The following TRIM71 variants were observed in gnomAD, a reference collection of about 807,000 sequenced individuals.
The protein encoded by TRIM71 is tripartite motif containing 71.
Under a neutral mutation model 61.2 loss-of-function variants are expected in TRIM71, and 9 were observed. That is an observed-to-expected ratio of 0.15 (90% confidence interval 0.09 to 0.26). TRIM71 has a LOEUF of 0.26. Ranked by LOEUF, TRIM71 falls within the 10% of genes least tolerant of loss-of-function variation. The pLI, the probability that TRIM71 is intolerant of heterozygous loss-of-function variation, is 1.00. For synonymous variants in TRIM71, 645 were observed against 553.2 expected (o/e 1.17, Z -2.33); for missense variants, 998 against 1,238.7 (o/e 0.81, Z 2.92).
chr3:32,826,939 T>C (rs535154008), intron 1 of TRIM71, among the ~76,000 whole-genome samples: 1 of 152,028 alleles, frequency 6.6e-6, no homozygotes, highest in East Asian at 1.9e-4. Flanking sequence ...ATTGTTTTTG[T>C]ATTTTTAGTA....
chr3:32,829,248 G>A (rs1170228342), intron 1 of TRIM71, among the ~76,000 whole-genome samples: 7 of 147,018 alleles, frequency 4.8e-5, no homozygotes, highest in Non-Finnish European at 7.4e-5. Flanking sequence ...GGAATGGCAC[G>A]ATCTTGGCTC....
chr3:32,818,535 A>G lies in TRIM71; in HGVS notation c.455A>G (p.His152Arg). The change falls in exon 1 of 4, where the codon CAC (histidine) becomes CGC (arginine). Residue 152 changes from histidine to arginine, a missense_variant. His to Arg is a conservative substitution (Grantham distance 29, BLOSUM62 0). Around this residue, in one of 5 missense-constraint regions of TRIM71, gnomAD observed 527 missense variants for 427.8 expected, o/e 1.23. Coordinates refer to ENST00000383763, the MANE Select transcript of TRIM71 (RefSeq NM_001039111.3). ...GGCGGCCACAGCAACCACCGGCACC[A>G]CGCTCACCACGCGCACCCGCGCGCG... is the stretch of plus-strand genomic sequence containing the variant. ...GAGGHSNHRH[H>R]AHHAHPRASA... is the part of the protein sequence containing the mutation. The G allele has an allele frequency of 7.5e-7, 1 of 1,338,988 alleles. No homozygotes were observed. The highest frequency in any genetic ancestry group is 9.5e-7 in the Non-Finnish European group (1 of 1,049,902). 82.9% of individuals were successfully genotyped at this position (1,338,988 alleles called of 1,614,324 possible). A position where few individuals can be genotyped will look rare whatever the true frequency, so the allele number is the denominator to read the frequency against.
chr3:32,882,882 A>T (rs1599770), intron 2 of TRIM71, among the ~76,000 whole-genome samples: 2 of 152,024 alleles, frequency 1.3e-5, no homozygotes, highest in Non-Finnish European at 2.9e-5. Context: ...TGACAGCAGA[A>T]GTTGGTTTCA....
Position 32,818,249 on chromosome 3 carries a change from C to T in TRIM71, c.169C>T (p.His57Tyr), listed in dbSNP as rs1443213679. Residue 57 changes from histidine (H) to tyrosine (Y), a missense_variant, in exon 1 of 4, where the codon CAC (histidine) becomes TAC (tyrosine). Transcript: ENST00000383763. ...GGPGAAARRL[H>Y]VLPCLHAFCR... ...CCCTGGGGCGGCGGCGCGCCGCCTA[C>T]ACGTCCTGCCCTGCCTGCACGCCTT... The T allele has an allele frequency of 2.0e-6, 3 of 1,483,520 alleles. No homozygotes were observed. The highest frequency in any genetic ancestry group is 1.3e-5 in the South Asian group (1 of 76,358). The allele number at this position is 1,483,520 out of a possible 1,614,324, so 91.9% of individuals were successfully genotyped here.
intron 2 of TRIM71, among the ~76,000 whole-genome samples, chr3:32,884,473 A>G (rs1459716092): frequency 6.6e-6 from 1 of 151,876 alleles, no homozygotes; most frequent in East Asian, 1.9e-4. Flanking sequence ...CTAGGTGGGC[A>G]GATCACTTGA....
Position 32,818,932 on chromosome 3 carries a change from G to C in TRIM71, c.852G>C (p.Glu284Asp), listed in dbSNP as rs1260653987. The C allele has an allele frequency of 6.2e-7, 1 of 1,611,854 alleles. No individual in the cohort carries two copies. Among genetic ancestry groups the C allele is most frequent in the Non-Finnish European group, 8.5e-7 (1 of 1,179,686 alleles). Residue 284 changes from glutamate (E) to aspartate (D), a missense_variant and splice_region_variant, in exon 1 of 4, where the codon GAG (glutamate) becomes GAC (aspartate). Glu to Asp is a conservative substitution (Grantham distance 45, BLOSUM62 2). Around this residue, in one of 5 missense-constraint regions of TRIM71, gnomAD observed 291 missense variants for 431.2 expected, o/e 0.67. Coordinates refer to ENST00000383763, the MANE Select transcript of TRIM71 (RefSeq NM_001039111.3). ...GCTTCTGCCAGCACCACGACGACGA[G>C]GTGAGTGCGTGGGGGCGTGTGTTTG... ...RLGFCQHHDD[E>D]VLHLYCDTCS...
intron 1 of TRIM71, among the ~76,000 whole-genome samples, chr3:32,830,472 A>G (rs529811406): frequency 3.7e-4 from 57 of 152,302 alleles, no homozygotes; most frequent in African/African-American, 1.3e-3. Context: ...TCACAGTATC[A>G]GGGTGAGGTG....
At position 32,896,914 on chromosome 3, in the gene TRIM71, T is replaced by TG. The variant is rs1360362905; in HGVS notation, c.*5104dup. 15 of 152,304 alleles carry TG rather than the reference T, an allele frequency of 9.8e-5. No individual in the cohort carries two copies. In the East Asian group the frequency reaches 2.9e-3, roughly 29 times the overall value. 9.4% of individuals were successfully genotyped at this position (152,304 alleles called of 1,614,324 possible). On this transcript the variant is annotated 3_prime_UTR_variant, in exon 4 of 4. Transcript: ENST00000383763. ...TTGTGTTTCTAGCAGTCTGTGTAGTTGTCTTTCTTCAGAGGAAGATTTTTC... is the reference window on the plus strand; with the variant it reads ...TTGTGTTTCTAGCAGTCTGTGTAGTTGGTCTTTCTTCAGAGGAAGATTTTTC...
chr3:32,828,599 C>G (rs1365359045), intron 1 of TRIM71, among the ~76,000 whole-genome samples: 3 of 138,802 alleles, frequency 2.2e-5, no homozygotes, highest in Non-Finnish European at 4.5e-5. Context: ...TCTCAACCTT[C>G]CCGGCTCAAG....
intron 1 of TRIM71, among the ~76,000 whole-genome samples, chr3:32,866,179 TGGATTACAGGCATGCGCCTGTACTA>T (rs1319704204): frequency 1.3e-4 from 19 of 151,642 alleles, no homozygotes; most frequent in African/African-American, 2.7e-4. Context: ...TTTTTGGAGA[TGGATTACAGGCATGCGCCTGTACTA>T]GGATTACAGG....
intron 1 of TRIM71, among the ~76,000 whole-genome samples, chr3:32,852,693 G>C (rs1462224224): frequency 1.3e-5 from 2 of 151,794 alleles, no homozygotes; most frequent in East Asian, 1.9e-4. Flanking sequence ...AGGTAGAATT[G>C]CCTCTGCCTG....
chr3:32,851,636 G>A (rs992065045), intron 1 of TRIM71, among the ~76,000 whole-genome samples: 10 of 152,062 alleles, frequency 6.6e-5, no homozygotes, highest in African/African-American at 2.2e-4. Flanking sequence ...CCGCCACTAC[G>A]CCTGGCTAAT....
intron 1 of TRIM71, among the ~76,000 whole-genome samples, chr3:32,869,896 T>C (rs568697889): frequency 1.5e-3 from 231 of 152,318 alleles, no homozygotes; most frequent in African/African-American, 5.4e-3. Context: ...GGCGTGTCTG[T>C]GCATCTGCCC....
At chr3:32,846,176 C>T (rs1290454594) in intron 1 of TRIM71, among the ~76,000 whole-genome samples, 1 of 147,622 alleles carries the variant, frequency 6.8e-6, no homozygotes, top group Non-Finnish European at 1.5e-5. Flanking sequence ...CCCGGGTTCA[C>T]AGGATTCTCC....
intron 1 of TRIM71, among the ~76,000 whole-genome samples, chr3:32,819,792 G>C (rs1345673863): frequency 6.6e-6 from 1 of 152,212 alleles, no homozygotes; most frequent in African/African-American, 2.4e-5. Context: ...GGTTTCCCTG[G>C]TTAGGAGGTA....
chr3:32,867,066 T>C (rs1021521733), intron 1 of TRIM71, among the ~76,000 whole-genome samples: 50 of 152,050 alleles, frequency 3.3e-4, no homozygotes, highest in Non-Finnish European at 2.8e-4. Flanking sequence ...ATTTCAAGTT[T>C]TCCTTTCAAA....
At chr3:32,856,021 C>CT (rs1241462520) in intron 1 of TRIM71, among the ~76,000 whole-genome samples, 1 of 143,534 alleles carries the variant, frequency 7.0e-6, no homozygotes, top group Non-Finnish European at 1.5e-5. Flanking sequence ...TTTATTTTTG[C>CT]TTTTTTGTTT....
chr3:32,850,118 G>A (rs990946803), intron 1 of TRIM71, among the ~76,000 whole-genome samples: 1 of 152,176 alleles, frequency 6.6e-6, no homozygotes, highest in Non-Finnish European at 1.5e-5. Flanking sequence ...CCTCCGTTCC[G>A]TGCCTCTTTT....
intron 1 of TRIM71, among the ~76,000 whole-genome samples, chr3:32,822,976 G>A (rs1283451930): frequency 8.5e-5 from 13 of 152,176 alleles, no homozygotes. Context: ...AGGAGAGAAA[G>A]TGAACAGAAA....
Sources: gnomAD v4.1 joint callset for allele counts (sites outside exome capture counted in the v4.1 genomes callset) on GRCh38, gnomAD v4.1.1 for gene constraint, gnomAD v4.1.1 regional missense constraint, MANE v1.5 for transcripts, NCBI Gene and HGNC (gene_info 2026-07-23, HGNC 2026-07-21) for gene names.